Variants in UHMK1 observed in about 807,000 individuals in gnomAD.
UHMK1 encodes serine/threonine-protein kinase Kist.
Under a neutral mutation model 44.0 loss-of-function variants are expected in UHMK1, and 18 were observed. That is an observed-to-expected ratio of 0.41 (90% CI 0.28 to 0.61). UHMK1 has a LOEUF of 0.61. UHMK1 is among the 20% of genes least tolerant of loss of function. The pLI, the probability that UHMK1 is intolerant of heterozygous loss-of-function variation, is 0.31. For synonymous variants in UHMK1, 231 were observed against 198.5 expected, an observed-to-expected ratio of 1.16 and a Z score of -1.38; for missense variants, 463 against 522.5, an observed-to-expected ratio of 0.89 and a Z score of 1.11.
At chr1:162,520,804 G>A (rs934655578) in intron 7 of UHMK1, among the ~76,000 whole-genome samples, 4 of 152,078 alleles carry the variant, frequency 2.6e-5, no homozygotes, top group African/African-American at 4.8e-5. Context: ...CTTTTATTCT[G>A]AACTAGGGCG....
intron 4 of UHMK1, among the ~76,000 whole-genome samples, chr1:162,506,656 C>T (rs1394971033): frequency 6.6e-6 from 1 of 152,066 alleles, no homozygotes; most frequent in Non-Finnish European, 1.5e-5. Context: ...TTAAAAGTCG[C>T]TTGGTCTTCC....
chr1:162,501,042 A>G lies in UHMK1; in HGVS notation c.691A>G (p.Ile231Val), dbSNP rs145619993. The change falls in exon 3 of 8, where the codon ATT becomes GTT. Residue 231 changes from isoleucine to valine, a missense_variant. By Grantham distance (29) the Ile-to-Val change is conservative (BLOSUM62 3). This residue lies in a region of UHMK1 where 264 missense variants were observed against 326.3 expected (regional missense o/e 0.81). Coordinates refer to ENST00000489294, the MANE Select transcript of UHMK1 (RefSeq NM_175866.5). ...TGTTGATCTGTGGAGCCTAGGAATC[A>G]TTTTACTGGAAATGTTCTCAGGAAT... ...SAVDLWSLGI[I>V]LLEMFSGMKL... 5.2e-5 allele frequency: 84 copies of G among 1,613,952 alleles called. No homozygotes were observed. Among genetic ancestry groups the G allele is most frequent in the Admixed American group, 6.7e-5 (4 of 59,984 alleles).
upstream of UHMK1, chr1:162,497,253 G>A (rs150604529): frequency 1.4e-6 from 1 of 702,354 alleles, no homozygotes; most frequent in Non-Finnish European, 2.6e-6. Context: ...GATTGTAAAT[G>A]TTTCTTACCA....
Position 162,525,532 on chromosome 1 carries a change from G to C in UHMK1, c.*2982G>C, listed in dbSNP as rs1652215049. ...TGATTCTTTTGAAATATATTTGGAGGGGGTAGCTAGCTAGCCACTGTCAAA... is the reference window on the plus strand; with the variant it reads ...TGATTCTTTTGAAATATATTTGGAGCGGGTAGCTAGCTAGCCACTGTCAAA... On this transcript the variant is annotated 3_prime_UTR_variant, in exon 8 of 8. Coordinates refer to ENST00000489294, the MANE Select transcript of UHMK1 (RefSeq NM_175866.5). 2 of 152,146 alleles carry C rather than the reference G, an allele frequency of 1.3e-5. No homozygotes were observed. The highest frequency in any genetic ancestry group is 1.5e-5 in the Non-Finnish European group (1 of 68,022). 9.4% of individuals were successfully genotyped at this position (152,146 alleles called of 1,614,324 possible). A position where few individuals can be genotyped will look rare whatever the true frequency, so the allele number is the denominator to read the frequency against.
intron 4 of UHMK1, among the ~76,000 whole-genome samples, chr1:162,504,977 G>A (rs1651417730): frequency 6.6e-6 from 1 of 152,054 alleles, no homozygotes; most frequent in Admixed American, 6.5e-5. Flanking sequence ...GTTTCACCAT[G>A]TTGGCTAGGT....
chr1:162,522,484 T>G lies in UHMK1; in HGVS notation c.1194T>G (p.Phe398Leu). The G allele has an allele frequency of 1.2e-6, 2 of 1,614,218 alleles. No individual in the cohort carries two copies. Among genetic ancestry groups the G allele is most frequent in the Non-Finnish European group, 1.7e-6 (2 of 1,180,028 alleles). The change falls in exon 8 of 8, where the codon TTT becomes TTG. Residue 398 changes from phenylalanine (F) to leucine (L), a missense_variant. Transcript: ENST00000489294. ...CTGGAAGGATGTTTGATGGGAAGTTTGTTGTGGCTACATTCTACCCGCTGA... is the reference window on the plus strand; with the variant it reads ...CTGGAAGGATGTTTGATGGGAAGTTGGTTGTGGCTACATTCTACCCGCTGA... ...LLTGRMFDGKFVVATFYPLSA... is the reference protein window; with the variant it reads ...LLTGRMFDGKLVVATFYPLSA...
At chr1:162,521,904 G>A (rs1652073105) in intron 7 of UHMK1, among the ~76,000 whole-genome samples, 1 of 152,204 alleles carries the variant, frequency 6.6e-6, no homozygotes, top group South Asian at 2.1e-4. Context: ...TCAGATTACA[G>A]GAGTGAGCCC....
rs569876123 is a variant in UHMK1, at chr1:162,522,816, T to C, written c.*266T>C. 4.8e-5 allele frequency: 15 copies of C among 313,968 alleles called. No homozygotes were observed. In the East Asian group the frequency reaches 6.5e-4, roughly 14 times the overall value. The allele number at this position is 313,968 out of a possible 1,614,324, so 19.4% of individuals were successfully genotyped here. A position where few individuals can be genotyped will look rare whatever the true frequency, so the allele number is the denominator to read the frequency against. The stretch of plus-strand genomic sequence containing the variant: ...TGTGCGGGAGAGCAGGTGTTGCTCT[T>C]CAGTATGTAGCCTAAAAAAATCTTA... On this transcript the variant is annotated 3_prime_UTR_variant, in exon 8 of 8. Coordinates refer to ENST00000489294, the MANE Select transcript of UHMK1 (RefSeq NM_175866.5).
At position 162,498,011 on chromosome 1, in the gene UHMK1, C is replaced by G. The variant is rs748395134; in HGVS notation, c.11C>G (p.Ser4Cys). 11 of 1,584,874 alleles carry G rather than the reference C, an allele frequency of 6.9e-6. No homozygotes were observed. The highest frequency in any genetic ancestry group is 5.2e-6 in the Non-Finnish European group (6 of 1,163,778). The change falls in exon 1 of 8, where the codon TCC (serine) becomes TGC (cysteine). Residue 4 changes from serine to cysteine, a missense_variant. Physicochemically the swap from Ser to Cys is moderately radical, Grantham distance 112. Transcript: ENST00000489294. MAG[S>C]GCAWGAEPPR... ...CCTTAACCCACACCGATGGCGGGAT[C>G]CGGCTGCGCCTGGGGCGCGGAGCCG...
At chr1:162,520,879 A>G (rs1453616992) in intron 7 of UHMK1, among the ~76,000 whole-genome samples, 3 of 152,220 alleles carry the variant, frequency 2.0e-5, no homozygotes, top group Non-Finnish European at 4.4e-5. Context: ...CCAGTGGTCA[A>G]AATGAAGTGG....
At chr1:162,505,663 A>C (rs1651442815) in intron 4 of UHMK1, among the ~76,000 whole-genome samples, 2 of 152,200 alleles carry the variant, frequency 1.3e-5, no homozygotes, top group South Asian at 2.1e-4. Context: ...GTTGACCAAA[A>C]CGTCATTGTG....
At chr1:162,518,687 CA>C (rs71093184) in intron 7 of UHMK1, among the ~76,000 whole-genome samples, 42 of 143,646 alleles carry the variant, frequency 2.9e-4, no homozygotes, top group South Asian at 2.2e-4. Flanking sequence ...GACTTCATCT[CA>C]AAAAAAAAAA....
chr1:162,501,631 A>C (rs1312700259), intron 3 of UHMK1, among the ~76,000 whole-genome samples: 1 of 152,212 alleles, frequency 6.6e-6, no homozygotes, highest in Admixed American at 6.5e-5. Flanking sequence ...GGCATATAGT[A>C]AGTGCTTGAT....
At position 162,529,350 on chromosome 1, in the gene UHMK1, T is replaced by A; in HGVS notation, c.*6800T>A. 1 of 152,134 alleles carries A rather than the reference T, an allele frequency of 6.6e-6. No individual in the cohort carries two copies. Among genetic ancestry groups the A allele is most frequent in the African/African-American group, 2.4e-5 (1 of 41,442 alleles). 9.4% of individuals were successfully genotyped at this position (152,134 alleles called of 1,614,324 possible). A position where few individuals can be genotyped will look rare whatever the true frequency, so the allele number is the denominator to read the frequency against. On this transcript the variant is annotated 3_prime_UTR_variant, in exon 8 of 8. Coordinates refer to ENST00000489294, the MANE Select transcript of UHMK1 (RefSeq NM_175866.5). ...AGTTATTTTCTCAAATCCCTAAATT[T>A]CTGATTTCCATTCAAGTCTTTTAAA...
In UHMK1 at chr1:162,512,741, T is replaced by C; in HGVS notation, c.942T>C (p.Asp314=). The C allele has an allele frequency of 6.2e-7, 1 of 1,614,150 alleles. No individual in the cohort carries two copies. The highest frequency in any genetic ancestry group is 8.5e-7 in the Non-Finnish European group (1 of 1,180,008). ...FSIPFAPHIE[D]LVMLPTPVLR... ...TTTTAACAGCCCCTCATATTGAAGA[T>C]CTGGTCATGCTTCCCACTCCAGTGC... The change falls in exon 6 of 8, where the codon GAT becomes GAC. Residue 314 remains aspartate, a synonymous_variant. Transcript: ENST00000489294.
intron 4 of UHMK1, among the ~76,000 whole-genome samples, chr1:162,508,150 CTG>C (rs1651544629): frequency 6.6e-6 from 1 of 151,972 alleles, no homozygotes; most frequent in South Asian, 2.1e-4. Context: ...AAGTCTCACT[CTG>C]TCACCCAGGC....
At chr1:162,511,189 C>CTTTTTTTTTTTTTTTTTT (rs142796500) in intron 4 of UHMK1, among the ~76,000 whole-genome samples, 3 of 101,002 alleles carry the variant, frequency 3.0e-5, no homozygotes, top group East Asian at 2.9e-4. Flanking sequence ...TTTTCTTTTT[C>CTTTTTTTTTTTTTTTTTT]TTTTTTTTTT....
chr1:162,499,902 G>A (rs1277729982), intron 1 of UHMK1, 53 bp from the exon 2 acceptor site: 20 of 1,565,272 alleles, frequency 1.3e-5, no homozygotes, highest in Non-Finnish European at 1.6e-5. Flanking sequence ...ACCTACTTTA[G>A]TAGTGACTTA....
rs1557948063 is a variant in UHMK1 at position 162,522,524 on chromosome 1, G to A, written c.1234G>A (p.Gly412Arg). The stretch of plus-strand genomic sequence containing the variant: ...CTACCCGCTGAGTGCCTACAAGAGG[G>A]GATATCTGTATCAAACCTTGCTTTA... ...TFYPLSAYKR[G>R]YLYQTLL Residue 412 changes from glycine to arginine, a missense_variant, in exon 8 of 8, where the codon GGA (glycine) becomes AGA (arginine). By Grantham distance (125) the Gly-to-Arg change is moderately radical. Coordinates refer to ENST00000489294, the MANE Select transcript of UHMK1 (RefSeq NM_175866.5). 6.2e-7 allele frequency: 1 copy of A among 1,614,110 alleles called. No individual in the cohort carries two copies. Among genetic ancestry groups the A allele is most frequent in the East Asian group, 2.2e-5 (1 of 44,870 alleles).
Sources: gnomAD v4.1 joint callset for allele counts (sites outside exome capture counted in the v4.1 genomes callset) on GRCh38, gnomAD v4.1.1 for gene constraint, gnomAD v4.1.1 regional missense constraint, MANE v1.5 for transcripts, NCBI Gene and HGNC (gene_info 2026-07-23, HGNC 2026-07-21) for gene names.